GALNTL6: variants seen among roughly 807,000 people sequenced by gnomAD.
The protein encoded by GALNTL6 is polypeptide N-acetylgalactosaminyltransferase-like 6.
Under a neutral mutation model 73.7 loss-of-function variants are expected in GALNTL6, and 46 were observed. The ratio of observed to expected loss-of-function variants is 0.62; its 90% CI spans 0.49 to 0.80. The LOEUF (loss-of-function observed/expected upper bound fraction) is 0.80, where lower values mean the gene tolerates loss of function less well. Among genes scored for constraint, GALNTL6 ranks in the 30% least tolerant of loss-of-function variants. The pLI, the probability that GALNTL6 is intolerant of heterozygous loss-of-function variation, is 0.00. For missense variants in GALNTL6, 604 were observed against 755.0 expected (o/e 0.80, Z 2.34); for synonymous variants, 259 against 263.7 (o/e 0.98, Z 0.17).
chr4:172,233,790 A>G (rs924719442), intron 3 of GALNTL6, among the ~76,000 whole-genome samples: 10 of 152,112 alleles, frequency 6.6e-5, no homozygotes, highest in Admixed American at 2.6e-4. Context: ...TAAATTTCAC[A>G]TTAACATACA....
intron 2 of GALNTL6, among the ~76,000 whole-genome samples, chr4:171,973,281 T>G (rs937003065): frequency 3.3e-5 from 5 of 152,202 alleles, no homozygotes; most frequent in African/African-American, 1.2e-4. Flanking sequence ...TTGCTAGGGC[T>G]GCCATAAGGA....
intron 5 of GALNTL6, among the ~76,000 whole-genome samples, chr4:172,689,496 A>C (rs1194678171): frequency 2.0e-5 from 3 of 152,210 alleles, no homozygotes; most frequent in Admixed American, 2.0e-4. Flanking sequence ...TGAAAATTTG[A>C]ATATCAAATT....
At chr4:172,441,207 A>G (rs760343621) in intron 5 of GALNTL6, among the ~76,000 whole-genome samples, 5 of 152,128 alleles carry the variant, frequency 3.3e-5, no homozygotes, top group African/African-American at 4.8e-5. Context: ...TATCTTCAAT[A>G]CTACCTTTAC....
At chr4:172,881,939 G>A (rs1745474708) in intron 7 of GALNTL6, among the ~76,000 whole-genome samples, 2 of 151,734 alleles carry the variant, frequency 1.3e-5, no homozygotes, top group Non-Finnish European at 2.9e-5. Flanking sequence ...GCATAGGGAG[G>A]TTGTTCACAG....
intron 2 of GALNTL6, among the ~76,000 whole-genome samples, chr4:172,119,001 C>T (rs977089190): frequency 2.6e-5 from 4 of 151,364 alleles, no homozygotes; most frequent in African/African-American, 9.7e-5. Flanking sequence ...CATCAAATCT[C>T]GTATTCACAA....
At chr4:172,438,046 C>T (rs1456064964) in intron 5 of GALNTL6, among the ~76,000 whole-genome samples, 1 of 152,084 alleles carries the variant, frequency 6.6e-6, no homozygotes, top group Non-Finnish European at 1.5e-5. Flanking sequence ...AATGGATTCT[C>T]CCACTATTTC....
At chr4:171,959,034 G>A (rs1579007560) in intron 2 of GALNTL6, among the ~76,000 whole-genome samples, 1 of 152,244 alleles carries the variant, frequency 6.6e-6, no homozygotes, top group East Asian at 1.9e-4. Flanking sequence ...GCTTTAGCCT[G>A]AGAAATATGC....
At chr4:172,124,581 T>C (rs1374003656) in intron 2 of GALNTL6, among the ~76,000 whole-genome samples, 1 of 141,686 alleles carries the variant, frequency 7.1e-6, no homozygotes. Context: ...TCAGCTTTCC[T>C]AAGTTATCAA....
At chr4:172,845,946 T>C (rs973647466) in intron 7 of GALNTL6, among the ~76,000 whole-genome samples, 6 of 152,218 alleles carry the variant, frequency 3.9e-5, no homozygotes, top group African/African-American at 1.4e-4. Context: ...AAATATAAGT[T>C]CTATCCTAAT....
chr4:172,117,263 C>T (rs1319222174), intron 2 of GALNTL6, among the ~76,000 whole-genome samples: 1 of 152,142 alleles, frequency 6.6e-6, no homozygotes, highest in African/African-American at 2.4e-5. Context: ...GTGAATTAAA[C>T]TGACCGTATT....
intron 2 of GALNTL6, among the ~76,000 whole-genome samples, chr4:172,022,528 T>G (rs1159752105): frequency 1.3e-5 from 2 of 152,072 alleles, no homozygotes; most frequent in African/African-American, 4.8e-5. Flanking sequence ...ACTGCTTCAG[T>G]ATCATCATTC....
intron 2 of GALNTL6, among the ~76,000 whole-genome samples, chr4:172,210,205 A>G (rs1289618199): frequency 2.0e-5 from 3 of 152,114 alleles, no homozygotes; most frequent in Non-Finnish European, 4.4e-5. Flanking sequence ...TTAGAGAAAT[A>G]TTGCCCTTCT....
Position 172,657,482 on chromosome 4 carries a change from AG to A in GALNTL6, c.554-151877del, listed in dbSNP as rs547627672. On this transcript the variant is annotated intron_variant, in intron 5 of 12. Coordinates refer to ENST00000506823, the MANE Select transcript of GALNTL6 (RefSeq NM_001034845.3). ...TTGTGAGTTTGTTTTTTATTTTGAA[AG>A]GCATAGTGAAAATGTTCATACCTTA... Among the ~76,000 whole-genome samples the A allele has an allele frequency of 5.1e-4, 78 of 152,338 alleles. No homozygotes were observed. In the South Asian group the frequency reaches 7.9e-3, roughly 15 times the overall value.
chr4:172,254,581 CTT>C, intron 3 of GALNTL6, among the ~76,000 whole-genome samples: 1 of 151,844 alleles, frequency 6.6e-6, no homozygotes, highest in South Asian at 2.1e-4. Context: ...ATTGTCCCCT[CTT>C]TCATAAAGTG....
chr4:172,972,674 G>A (rs1241890498), intron 10 of GALNTL6, among the ~76,000 whole-genome samples: 1 of 152,080 alleles, frequency 6.6e-6, no homozygotes, highest in African/African-American at 2.4e-5. Context: ...ACGGTGGGCT[G>A]AGATAGTTTG....
intron 2 of GALNTL6, among the ~76,000 whole-genome samples, chr4:172,081,276 T>A (rs1320539565): frequency 1.3e-5 from 2 of 152,238 alleles, no homozygotes; most frequent in African/African-American, 4.8e-5. Context: ...TTGTTTGTGC[T>A]ACTTCCAAAA....
intron 7 of GALNTL6, among the ~76,000 whole-genome samples, chr4:172,839,860 T>A (rs996146779): frequency 2.0e-5 from 3 of 152,198 alleles, no homozygotes; most frequent in Non-Finnish European, 4.4e-5. Context: ...TCCTTTTGAA[T>A]GAAACCTGAA....
chr4:171,864,885 G>A (rs891645634), intron 2 of GALNTL6, among the ~76,000 whole-genome samples: 1 of 152,116 alleles, frequency 6.6e-6, no homozygotes, highest in African/African-American at 2.4e-5. Context: ...CCAGTGAAAA[G>A]AGCCATAAGA....
At chr4:172,662,103 A>G (rs1331189093) in intron 5 of GALNTL6, among the ~76,000 whole-genome samples, 2 of 152,042 alleles carry the variant, frequency 1.3e-5, no homozygotes, top group Non-Finnish European at 2.9e-5. Flanking sequence ...TAAGATCCCC[A>G]GATAATTGGT....
Sources: allele counts gnomAD v4.1 joint callset (sites outside exome capture counted in the v4.1 genomes callset), GRCh38; gene constraint gnomAD v4.1.1; transcripts MANE v1.5; gene names NCBI Gene and HGNC (gene_info 2026-07-23, HGNC 2026-07-21).